The following ADAM17 variants were observed in gnomAD, a reference collection of about 807,000 sequenced individuals.
ADAM17 encodes disintegrin and metalloproteinase domain-containing protein 17.
Under a neutral mutation model 96.7 loss-of-function variants are expected in ADAM17, and 39 were observed. That is an observed-to-expected ratio of 0.40 (90% CI 0.31 to 0.53). The LOEUF is 0.53. Among genes scored for constraint, ADAM17 ranks in the 20% least tolerant of loss-of-function variants. The pLI, the probability that ADAM17 is intolerant of heterozygous loss-of-function variation, is 0.44. For synonymous variants in ADAM17, 344 were observed against 359.2 expected (o/e 0.96, Z 0.48); for missense variants, 777 against 1,013.2 (o/e 0.77, Z 3.17).
intron 10 of ADAM17, among the ~76,000 whole-genome samples, chr2:9,516,491 T>C (rs1323449140): frequency 1.3e-5 from 2 of 152,140 alleles, no homozygotes; most frequent in Non-Finnish European, 2.9e-5. Context: ...AAAATCAGTA[T>C]ACCAACCAGC....
intron 3 of ADAM17, 52 bp downstream of exon 3, chr2:9,536,646 T>G: frequency 6.2e-7 from 1 of 1,602,064 alleles, no homozygotes; most frequent in Non-Finnish European, 8.5e-7. Flanking sequence ...AAGTTAGATT[T>G]GGAGACCTAA....
At chr2:9,516,804 T>C (rs1026876011) in intron 10 of ADAM17, among the ~76,000 whole-genome samples, 3 of 152,124 alleles carry the variant, frequency 2.0e-5, no homozygotes, top group African/African-American at 7.2e-5. Flanking sequence ...CAGATACTAA[T>C]ATGTCCTACC....
chr2:9,541,993 T>A (rs1665223412), intron 2 of ADAM17, among the ~76,000 whole-genome samples: 1 of 152,060 alleles, frequency 6.6e-6, no homozygotes, highest in Non-Finnish European at 1.5e-5. Flanking sequence ...TGAGCCAAGA[T>A]CACACAACTG....
At chr2:9,539,814 G>C (rs560138143) in intron 2 of ADAM17, among the ~76,000 whole-genome samples, 1 of 152,130 alleles carries the variant, frequency 6.6e-6, no homozygotes, top group Non-Finnish European at 1.5e-5. Context: ...CTCACTGTCC[G>C]ACCTTGGCCT....
chr2:9,514,886 G>C (rs1398476778), intron 10 of ADAM17, among the ~76,000 whole-genome samples: 1 of 151,894 alleles, frequency 6.6e-6, no homozygotes, highest in Non-Finnish European at 1.5e-5. Flanking sequence ...AAAAAGAAAA[G>C]GAGGATCTCG....
rs542963102 is a variant in ADAM17, at chr2:9,552,429, A to G, written c.97+3080T>C. Reference sequence around the variant, plus strand: ...CTCCCTTGGAGCAGTTAGGGCAGTTAAGCATTTAGGTTTCAAAGGAATGCA... The same window carrying G: ...CTCCCTTGGAGCAGTTAGGGCAGTTGAGCATTTAGGTTTCAAAGGAATGCA... On this transcript the variant is annotated intron_variant, in intron 1 of 18. Coordinates refer to ENST00000310823, the MANE Select transcript of ADAM17 (RefSeq NM_003183.6). Among the ~76,000 whole-genome samples the G allele has an allele frequency of 1.7e-3, 262 of 152,340 alleles. 1 individual carries two copies. Among genetic ancestry groups the G allele is most frequent in the Non-Finnish European group, 3.1e-3 (212 of 68,040 alleles).
rs1665703968 is a variant in ADAM17, at chr2:9,555,253, G to C, written c.97+256C>G. 2.6e-5 allele frequency among the ~76,000 whole-genome samples: 4 copies of C among 152,202 alleles called. No individual in the cohort carries two copies. The South Asian group carries it at 8.3e-4, about 32-fold the overall frequency. ...AACACCCTCCCCGAACACAAAGCTA[G>C]GGAGCAAACCCCTCTCAGGCGCTCA... is the stretch of plus-strand genomic sequence containing the variant. On this transcript the variant is annotated intron_variant, in intron 1 of 18. Transcript: ENST00000310823.
intron 2 of ADAM17, among the ~76,000 whole-genome samples, chr2:9,537,979 A>AGGGAG (rs1665048803): frequency 1.7e-4 from 1 of 6,060 alleles, no homozygotes; most frequent in East Asian, 2.5e-3. Flanking sequence ...GGGAAGGGGA[A>AGGGAG]GGGAGGGGAA....
chr2:9,504,581 G>A (rs1394266808), intron 12 of ADAM17, among the ~76,000 whole-genome samples: 8 of 151,956 alleles, frequency 5.3e-5, no homozygotes, highest in Non-Finnish European at 8.8e-5. Context: ...CCTGGCCACC[G>A]TAGTGAAACC....
intron 1 of ADAM17, among the ~76,000 whole-genome samples, chr2:9,549,582 G>A (rs534588887): frequency 3.5e-4 from 54 of 152,278 alleles, no homozygotes; most frequent in South Asian, 1.7e-3. Context: ...AGGCTAGAGT[G>A]CAGGGCACAA....
At chr2:9,541,492 G>A (rs1405970689) in intron 2 of ADAM17, among the ~76,000 whole-genome samples, 1 of 152,182 alleles carries the variant, frequency 6.6e-6, no homozygotes, top group Non-Finnish European at 1.5e-5. Flanking sequence ...GAACCCGAGA[G>A]GTGGAGGCTT....
chr2:9,517,584 C>A (rs1241898254), intron 10 of ADAM17, among the ~76,000 whole-genome samples: 1 of 152,126 alleles, frequency 6.6e-6, no homozygotes, highest in African/African-American at 2.4e-5. Flanking sequence ...TGTGGGATGC[C>A]TTGAATGACA....
At chr2:9,554,665 G>A (rs945250534) in intron 1 of ADAM17, among the ~76,000 whole-genome samples, 3 of 152,112 alleles carry the variant, frequency 2.0e-5, no homozygotes, top group Non-Finnish European at 4.4e-5. Flanking sequence ...ATTTTTGAAA[G>A]ATAAAAGGAT....
At chr2:9,494,589 A>C in intron 15 of ADAM17, 48 bp downstream of exon 15, 1 of 1,601,668 alleles carries the variant, frequency 6.2e-7, no homozygotes, top group Non-Finnish European at 8.5e-7. Context: ...TACAAAATAA[A>C]AACTTCCTAT....
At chr2:9,548,880 GTTGT>G (rs1389856371) in intron 1 of ADAM17, among the ~76,000 whole-genome samples, 1 of 152,164 alleles carries the variant, frequency 6.6e-6, no homozygotes, top group Non-Finnish European at 1.5e-5. Flanking sequence ...TGGCCTTCTG[GTTGT>G]AGCTGTGGAG....
At chr2:9,547,298 A>G (rs942153360) in intron 1 of ADAM17, among the ~76,000 whole-genome samples, 3 of 152,160 alleles carry the variant, frequency 2.0e-5, no homozygotes, top group Non-Finnish European at 4.4e-5. Flanking sequence ...CCTACCTTTC[A>G]GGCACTAAGG....
chr2:9,498,748 C>G (rs1179783685), intron 13 of ADAM17, among the ~76,000 whole-genome samples: 1 of 152,166 alleles, frequency 6.6e-6, no homozygotes, highest in Non-Finnish European at 1.5e-5. Context: ...CCAGTGAGCT[C>G]AGGGAAGGTT....
At chr2:9,530,338 A>G (rs1408501376) in intron 4 of ADAM17, among the ~76,000 whole-genome samples, 1 of 152,214 alleles carries the variant, frequency 6.6e-6, no homozygotes, top group East Asian at 1.9e-4. Context: ...GATCAGATAT[A>G]TCTGAGTTCA....
chr2:9,502,042 G>T, intron 13 of ADAM17, 131 bp downstream of exon 13: 1 of 770,628 alleles, frequency 1.3e-6, no homozygotes, highest in Non-Finnish European at 2.1e-6. Flanking sequence ...ACTAAGGAGT[G>T]CCAGAAACTC....
Sources: gnomAD v4.1 joint callset for allele counts (sites outside exome capture counted in the v4.1 genomes callset) on GRCh38, gnomAD v4.1.1 for gene constraint, MANE v1.5 for transcripts, NCBI Gene and HGNC (gene_info 2026-07-23, HGNC 2026-07-21) for gene names.